KCMF1: variants seen among roughly 807,000 people sequenced by gnomAD.
KCMF1 encodes the protein potassium channel modulatory factor 1, also known as E3 ubiquitin-protein ligase KCMF1.
A neutral mutation model predicts 41.1 loss-of-function variants in KCMF1; 3 were observed. The observed-to-expected ratio is 0.07, with a 90% CI of 0.03 to 0.19. The LOEUF (loss-of-function observed/expected upper bound fraction) is 0.19, where lower values mean the gene tolerates loss of function less well. Ranked by LOEUF, KCMF1 falls within the 10% of genes least tolerant of loss-of-function variation. The pLI, the probability that KCMF1 is intolerant of heterozygous loss-of-function variation, is 1.00. For synonymous variants in KCMF1, 142 were observed against 164.5 expected, an observed-to-expected ratio of 0.86 and a Z score of 1.04; for missense variants, 286 against 488.9, an observed-to-expected ratio of 0.58 and a Z score of 3.91.
At position 85,054,473 on chromosome 2, in the gene KCMF1, G is replaced by A. The variant is rs1482307015; in HGVS notation, c.*1064G>A. 1 of 151,936 alleles carries A rather than the reference G, an allele frequency of 6.6e-6. No homozygotes were observed. Among genetic ancestry groups the A allele is most frequent in the African/African-American group, 2.4e-5 (1 of 41,352 alleles). 9.4% of individuals were successfully genotyped at this position (151,936 alleles called of 1,614,324 possible). On this transcript the variant is annotated 3_prime_UTR_variant, in exon 7 of 7. Coordinates refer to ENST00000409785, the MANE Select transcript of KCMF1 (RefSeq NM_020122.5). ...TAATTTTAGCACCTTTTATTTATTG[G>A]GTTTTTTCTGGCATAAAAAGTAAAG...
chr2:85,043,533 T>C (rs368245867), intron 3 of KCMF1, 31 bp from the exon 4 acceptor site: 3 of 1,282,192 alleles, frequency 2.3e-6, no homozygotes, highest in Non-Finnish European at 1.1e-6. Context: ...GACGTTCATT[T>C]ATTAAGCTGC....
At chr2:85,035,213 C>G (rs373452167) in intron 3 of KCMF1, 58 bp downstream of exon 3, 1 of 1,449,436 alleles carries the variant, frequency 6.9e-7, no homozygotes, top group Non-Finnish European at 9.4e-7. Context: ...TTATTTCTAA[C>G]ATTAATAAAG....
chr2:84,978,090 C>G lies in KCMF1; in HGVS notation c.16+6623C>G, dbSNP rs374372265. 2.3e-4 allele frequency among the ~76,000 whole-genome samples: 35 copies of G among 152,082 alleles called. No homozygotes were observed. The East Asian group carries it at 4.8e-3, about 21-fold the overall frequency. ...TCAACTCACCGCAACCTACGCCTCC[C>G]AGGTTCAAGTGATTCTCCTGCCTCA... On this transcript the variant is annotated intron_variant, in intron 1 of 6. Coordinates refer to ENST00000409785, the MANE Select transcript of KCMF1 (RefSeq NM_020122.5).
chr2:85,031,736 T>C (rs1428235971), intron 2 of KCMF1, among the ~76,000 whole-genome samples: 1 of 152,222 alleles, frequency 6.6e-6, no homozygotes, highest in Non-Finnish European at 1.5e-5. Flanking sequence ...AATGGAATTT[T>C]TATCTTACTT....
chr2:85,002,419 A>G (rs993292258), intron 1 of KCMF1, among the ~76,000 whole-genome samples: 10 of 152,232 alleles, frequency 6.6e-5, no homozygotes, highest in Non-Finnish European at 1.3e-4. Flanking sequence ...TTTTAAAAAT[A>G]AACTTTTATT....
chr2:85,008,375 G>GAC (rs1674559208), intron 1 of KCMF1, among the ~76,000 whole-genome samples: 1 of 27,862 alleles, frequency 3.6e-5, no homozygotes, highest in Non-Finnish European at 8.1e-5. Context: ...TATATCATAT[G>GAC]ATATATTATA....
At chr2:85,000,574 T>C (rs1402113988) in intron 1 of KCMF1, among the ~76,000 whole-genome samples, 2 of 152,194 alleles carry the variant, frequency 1.3e-5, no homozygotes, top group African/African-American at 2.4e-5. Flanking sequence ...TCAGGTACAG[T>C]GTACTGGAAA....
intron 2 of KCMF1, among the ~76,000 whole-genome samples, chr2:85,028,957 A>T (rs1354570992): frequency 2.0e-5 from 3 of 152,096 alleles, no homozygotes; most frequent in Admixed American, 1.3e-4. Context: ...CACAAATAAT[A>T]GCTTTATTTT....
intron 1 of KCMF1, among the ~76,000 whole-genome samples, chr2:84,995,113 C>G (rs771559668): frequency 3.3e-5 from 5 of 151,958 alleles, no homozygotes; most frequent in Non-Finnish European, 7.4e-5. Context: ...CCTCCGCCTC[C>G]TGGGTTCAAG....
chr2:85,052,887 G>A (rs1043840462), intron 6 of KCMF1, among the ~76,000 whole-genome samples: 4 of 152,072 alleles, frequency 2.6e-5, no homozygotes, highest in East Asian at 1.9e-4. Flanking sequence ...TCTCTGGAGT[G>A]GAAAAAGTCT....
At chr2:84,996,388 C>T (rs1674175750) in intron 1 of KCMF1, among the ~76,000 whole-genome samples, 1 of 150,946 alleles carries the variant, frequency 6.6e-6, no homozygotes, top group Non-Finnish European at 1.5e-5. Context: ...CAAAAATAAT[C>T]TCTCTTTTTG....
chr2:85,045,432 C>CT (rs1002002613), intron 4 of KCMF1, among the ~76,000 whole-genome samples: 2 of 152,112 alleles, frequency 1.3e-5, no homozygotes, highest in Non-Finnish European at 2.9e-5. Flanking sequence ...AGCTGAAAAA[C>CT]TGAGAAGCCA....
At chr2:85,030,776 A>T (rs906091936) in intron 2 of KCMF1, among the ~76,000 whole-genome samples, 2 of 152,204 alleles carry the variant, frequency 1.3e-5, no homozygotes, top group African/African-American at 4.8e-5. Context: ...GGCTCACTGC[A>T]GCCTCCGCTT....
chr2:84,979,202 G>A (rs1016505430), intron 1 of KCMF1, among the ~76,000 whole-genome samples: 1 of 152,108 alleles, frequency 6.6e-6, no homozygotes, highest in Non-Finnish European at 1.5e-5. Flanking sequence ...AGGCTAAGCT[G>A]TCATTGAATT....
At chr2:84,998,098 T>C (rs1439480094) in intron 1 of KCMF1, among the ~76,000 whole-genome samples, 1 of 151,648 alleles carries the variant, frequency 6.6e-6, no homozygotes, top group Non-Finnish European at 1.5e-5. Context: ...CTTATTTATT[T>C]ATTTATTTTT....
chr2:84,993,178 C>A (rs1349036181), intron 1 of KCMF1, among the ~76,000 whole-genome samples: 1 of 150,408 alleles, frequency 6.6e-6, no homozygotes, highest in East Asian at 1.9e-4. Context: ...TAGAGTGAGA[C>A]CCTGTGTCAG....
chr2:84,995,574 A>G (rs1377697860), intron 1 of KCMF1, among the ~76,000 whole-genome samples: 9 of 152,176 alleles, frequency 5.9e-5, no homozygotes, highest in Non-Finnish European at 1.2e-4. Context: ...ACTTGGATCT[A>G]TCTATCCTTT....
At position 85,003,166 on chromosome 2, in the gene KCMF1, G is replaced by A. The variant is rs181324950; in HGVS notation, c.17-24723G>A. On this transcript the variant is annotated intron_variant, in intron 1 of 6. Coordinates refer to ENST00000409785, the MANE Select transcript of KCMF1 (RefSeq NM_020122.5). The stretch of plus-strand genomic sequence containing the variant: ...TTTATCCAAAGGCAAAACTTTGTAC[G>A]AAGTCCTTTTAAAATTCATCTTGTT... Among the ~76,000 whole-genome samples the A allele has an allele frequency of 1.3e-3, 202 of 152,212 alleles. 3 individuals carry two copies. The highest frequency in any genetic ancestry group is 4.1e-3 in the East Asian group (21 of 5,176).
At chr2:84,988,104 T>A (rs1424097088) in intron 1 of KCMF1, among the ~76,000 whole-genome samples, 1 of 151,996 alleles carries the variant, frequency 6.6e-6, no homozygotes, top group African/African-American at 2.4e-5. Context: ...TGATGGCGCA[T>A]GCCTGTAATC....
Sources: gnomAD v4.1 joint callset for allele counts (sites outside exome capture counted in the v4.1 genomes callset) on GRCh38, gnomAD v4.1.1 for gene constraint, MANE v1.5 for transcripts, NCBI Gene and HGNC (gene_info 2026-07-23, HGNC 2026-07-21) for gene names.